SUSD5: variants seen among roughly 807,000 people sequenced by gnomAD.
SUSD5 encodes sushi domain containing 5.
A neutral mutation model predicts 29.5 loss-of-function variants in SUSD5; 33 were observed. The observed-to-expected ratio is 1.12, with a 90% CI of 0.85 to 1.49. The LOEUF (loss-of-function observed/expected upper bound fraction) is 1.49. Ranked by LOEUF, SUSD5 falls within the 40% of genes most tolerant of loss-of-function variation. The pLI is 0.00. For synonymous variants in SUSD5, 308 were observed against 325.3 expected, an observed-to-expected ratio of 0.95 and a Z score of 0.57; for missense variants, 776 against 800.6, an observed-to-expected ratio of 0.97 and a Z score of 0.37.
intron 4 of SUSD5, among the ~76,000 whole-genome samples, chr3:33,160,079 A>C (rs34819027): frequency 0.095 from 14,476 of 152,210 alleles, 821 homozygotes; most frequent in East Asian, 0.19. Context: ...CAAGGGAAGG[A>C]AACTTTGATA....
chr3:33,203,168 A>C (rs1273621578), intron 3 of SUSD5, among the ~76,000 whole-genome samples: 2 of 152,216 alleles, frequency 1.3e-5, no homozygotes, highest in Non-Finnish European at 2.9e-5. Flanking sequence ...TGCTGTCAAC[A>C]AAGACTCTAC....
At chr3:33,163,447 A>G (rs1559445415) in intron 4 of SUSD5, among the ~76,000 whole-genome samples, 2 of 152,312 alleles carry the variant, frequency 1.3e-5, no homozygotes, top group Non-Finnish European at 2.9e-5. Context: ...AATATTTGAA[A>G]AAAAGGAGTT....
chr3:33,158,878 C>T (rs2031114353), intron 4 of SUSD5, among the ~76,000 whole-genome samples: 1 of 152,210 alleles, frequency 6.6e-6, no homozygotes. Context: ...CTTAAGGCCT[C>T]TTTCCACACG....
chr3:33,171,149 A>C (rs1575531552), intron 4 of SUSD5, among the ~76,000 whole-genome samples: 1 of 152,162 alleles, frequency 6.6e-6, no homozygotes, highest in Admixed American at 6.5e-5. Flanking sequence ...GGAGTTCAAG[A>C]CCAGCCTAGC....
Position 33,207,805 on chromosome 3 carries a change from G to T in SUSD5, c.409+3C>A. The T allele has an allele frequency of 6.2e-7, 1 of 1,602,916 alleles. No homozygotes were observed. The highest frequency in any genetic ancestry group is 8.5e-7 in the Non-Finnish European group (1 of 1,171,146). On this transcript the variant is annotated splice_donor_region_variant and intron_variant, in intron 3 of 4. Coordinates refer to ENST00000309558, the MANE Select transcript of SUSD5 (RefSeq NM_015551.2). ...GCACCTTTAAGAAGACTCTGGCACT[G>T]ACCTTCATCCTTAATACAAAGGGCA...
At chr3:33,175,576 T>C (rs945388777) in intron 3 of SUSD5, among the ~76,000 whole-genome samples, 67 of 151,406 alleles carry the variant, frequency 4.4e-4, no homozygotes, top group African/African-American at 1.2e-3. Flanking sequence ...TATATATATA[T>C]ACACACACAC....
chr3:33,182,619 A>G (rs967082521), intron 3 of SUSD5, among the ~76,000 whole-genome samples: 6 of 152,224 alleles, frequency 3.9e-5, no homozygotes, highest in South Asian at 2.1e-4. Context: ...GCACATATAC[A>G]TTAAAGATGG....
At chr3:33,187,606 T>C (rs150148451) in intron 3 of SUSD5, among the ~76,000 whole-genome samples, 2,304 of 152,118 alleles carry the variant, frequency 0.015, 54 homozygotes, top group African/African-American at 0.052. Flanking sequence ...ACCTGGACCT[T>C]CTTCTCCTCT....
intron 3 of SUSD5, among the ~76,000 whole-genome samples, chr3:33,180,387 G>A (rs575501177): frequency 6.6e-6 from 1 of 152,288 alleles, no homozygotes; most frequent in South Asian, 2.1e-4. Context: ...TTGAGACATG[G>A]TCTTGCTCTG....
rs1286540031 is a variant in SUSD5 at position 33,167,584 on chromosome 3, G to A, written c.598+7302C>T. ...AAGCTCTTCCTGTCTCCCCAGGTTC[G>A]CAGGTCAAGGTCCTGACTTAAAAAC... On this transcript the variant is annotated intron_variant, in intron 4 of 4. Transcript: ENST00000309558. This position sits in a 1 kb window ranked among gnomAD's most constrained non-coding sequence, Gnocchi z 4.1. 1.3e-5 allele frequency among the ~76,000 whole-genome samples: 2 copies of A among 152,164 alleles called. No individual in the cohort carries two copies. The highest frequency in any genetic ancestry group is 2.1e-4 in the South Asian group (1 of 4,834).
rs151000170 is a variant in SUSD5 at position 33,161,948 on chromosome 3, T to C, written c.599-7915A>G. ...AACAAATAGAAAAAAGGTAAGAATA[T>C]AGATTTGAACAACACATTTAATAAA... is the stretch of plus-strand genomic sequence containing the variant. On this transcript the variant is annotated intron_variant, in intron 4 of 4. Transcript: ENST00000309558. 6.0e-3 allele frequency among the ~76,000 whole-genome samples: 915 copies of C among 152,258 alleles called. 8 individuals are homozygous for C. The highest frequency in any genetic ancestry group is 0.021 in the African/African-American group (876 of 41,558).
In SUSD5 at chr3:33,153,931, T is replaced by C. The variant is rs1479600194; in HGVS notation, c.701A>G (p.Asp234Gly). 37 of 1,613,892 alleles carry C rather than the reference T, an allele frequency of 2.3e-5. No homozygotes were observed. Among genetic ancestry groups the C allele is most frequent in the Non-Finnish European group, 3.0e-5 (35 of 1,179,894 alleles). The part of the protein sequence containing the change: ...MEDSRTEADE[D>G]RGQGDSSEEA... The stretch of plus-strand genomic sequence containing the variant: ...CTCAGAGGAGTCTCCCTGACCCCTG[T>C]CCTCATCTGCCTCTGTCCGGGAATC... Residue 234 changes from aspartate (D) to glycine (G), a missense_variant, in exon 5 of 5, where the codon GAC becomes GGC. Asp to Gly is a moderately conservative substitution (Grantham distance 94, BLOSUM62 -1). Coordinates refer to ENST00000309558, the MANE Select transcript of SUSD5 (RefSeq NM_015551.2).
Position 33,218,735 on chromosome 3 carries a change from C to T in SUSD5, c.63G>A (p.Ala21=), listed in dbSNP as rs895317258. ...RWHRRLPGLW[A]AALLLLGLPR... The stretch of plus-strand genomic sequence containing the variant: ...GCAGACCGAGCAGGAGCAGCGCCGC[C>T]GCCCAGAGCCCGGGGAGGCGTCTGT... The change falls in exon 1 of 5, where the codon GCG becomes GCA. Residue 21 remains alanine, a synonymous_variant. Transcript: ENST00000309558. The T allele has an allele frequency of 2.2e-6, 3 of 1,358,618 alleles. No homozygotes were observed. The highest frequency in any genetic ancestry group is 3.8e-5 in the Admixed American group (1 of 26,154). The allele number at this position is 1,358,618 out of a possible 1,614,324, so 84.2% of individuals were successfully genotyped here. A position where few individuals can be genotyped will look rare whatever the true frequency, so the allele number is the denominator to read the frequency against.
Position 33,185,112 on chromosome 3 carries a change from C to T in SUSD5, c.410-10038G>A, listed in dbSNP as rs540962263. Among the ~76,000 whole-genome samples the T allele has an allele frequency of 2.1e-3, 317 of 152,284 alleles. 3 individuals carry two copies. The highest frequency in any genetic ancestry group is 2.4e-3 in the Non-Finnish European group (160 of 68,012). ...CTCAGTCTTTTGTCAGCATGTGCCC[C>T]TGGACTGTGAACTTCATCAGTGCTT... On this transcript the variant is annotated intron_variant, in intron 3 of 4. Coordinates refer to ENST00000309558, the MANE Select transcript of SUSD5 (RefSeq NM_015551.2).
At position 33,175,092 on chromosome 3, in the gene SUSD5, C is replaced by G; in HGVS notation, c.410-18G>C. 2.5e-6 allele frequency: 4 copies of G among 1,613,232 alleles called. No individual in the cohort carries two copies. Among genetic ancestry groups the G allele is most frequent in the Non-Finnish European group, 3.4e-6 (4 of 1,179,316 alleles). On this transcript the variant is annotated intron_variant, in intron 3 of 4. Transcript: ENST00000309558. ...CGGCTTCTCTGAGGAGAAGGAATCA[C>G]AGTTAGCTTTTCCAAACTGTGCGGA...
At chr3:33,197,052 AG>A (rs2032010140) in intron 3 of SUSD5, among the ~76,000 whole-genome samples, 1 of 152,216 alleles carries the variant, frequency 6.6e-6, no homozygotes, top group Non-Finnish European at 1.5e-5. Context: ...AGCAGGTGTT[AG>A]CTATTACTAT....
At chr3:33,174,736 G>A in intron 4 of SUSD5, 150 bp downstream of exon 4, 1 of 763,272 alleles carries the variant, frequency 1.3e-6, no homozygotes, top group East Asian at 2.7e-5. Context: ...TGGAGATGTT[G>A]CTAGGTCCAG....
chr3:33,192,079 A>ATT lies in SUSD5; in HGVS notation c.409+15727_409+15728dup, dbSNP rs200854031. 5.7e-3 allele frequency among the ~76,000 whole-genome samples: 837 copies of ATT among 145,906 alleles called. 10 individuals are homozygous for ATT. Among genetic ancestry groups the ATT allele is most frequent in the African/African-American group, 0.019 (740 of 39,662 alleles). The stretch of plus-strand genomic sequence containing the variant: ...AGTGATTTCTTATATTAATGCGCAT[A>ATT]TTTTTTTTTTTTGAGACAGAGCCTT... On this transcript the variant is annotated intron_variant, in intron 3 of 4. Coordinates refer to ENST00000309558, the MANE Select transcript of SUSD5 (RefSeq NM_015551.2).
At chr3:33,207,416 A>G (rs1236478823) in intron 3 of SUSD5, among the ~76,000 whole-genome samples, 2 of 152,178 alleles carry the variant, frequency 1.3e-5, no homozygotes, top group Non-Finnish European at 2.9e-5. Context: ...CACACACGAA[A>G]AAACAGAAGA....
Sources: gnomAD v4.1 joint callset for allele counts (sites outside exome capture counted in the v4.1 genomes callset) on GRCh38, gnomAD v4.1.1 for gene constraint, Gnocchi (gnomAD v3.1) non-coding constraint, MANE v1.5 for transcripts, NCBI Gene and HGNC (gene_info 2026-07-23, HGNC 2026-07-21) for gene names.